NDRG1: variants seen among roughly 807,000 people sequenced by gnomAD.
NDRG1 encodes the protein N-myc downstream regulated 1.
A neutral mutation model predicts 56.9 loss-of-function variants in NDRG1; 32 were observed. The ratio of observed to expected loss-of-function variants is 0.56; its 90% CI spans 0.42 to 0.76. The LOEUF is 0.76. Among genes scored for constraint, NDRG1 ranks in the 30% least tolerant of loss-of-function variants. The pLI, the probability that NDRG1 is intolerant of heterozygous loss-of-function variation, is 0.00. For missense variants in NDRG1, 507 were observed against 545.7 expected (o/e 0.93, Z 0.71); for synonymous variants, 211 against 204.1 (o/e 1.03, Z -0.29).
chr8:133,243,203 G>C (rs541793066), intron 14 of NDRG1, among the ~76,000 whole-genome samples: 1 of 152,300 alleles, frequency 6.6e-6, no homozygotes, highest in East Asian at 1.9e-4. Flanking sequence ...ACATTTAAAA[G>C]AGCGGCTATG....
chr8:133,272,982 C>G (rs901521914), intron 3 of NDRG1, among the ~76,000 whole-genome samples: 1 of 152,178 alleles, frequency 6.6e-6, no homozygotes, highest in African/African-American at 2.4e-5. Context: ...AACAGCCCCC[C>G]CACCGAATGG....
In NDRG1 at chr8:133,273,668, A is replaced by AGT. The variant is rs1857308414; in HGVS notation, c.99+6563_99+6564insAC. On this transcript the variant is annotated intron_variant, in intron 3 of 15. Transcript: ENST00000323851. ...TGGATCTAAGTCTAGGACTATCTCT[A>AGT]CAGTACCCTTTGGCAAGTTCCCTAA... 5.3e-5 allele frequency among the ~76,000 whole-genome samples: 8 copies of AGT among 152,300 alleles called. No individual in the cohort carries two copies. The South Asian group carries it at 1.7e-3, about 32-fold the overall frequency.
At chr8:133,289,322 G>A (rs1290571843) in intron 1 of NDRG1, among the ~76,000 whole-genome samples, 2 of 152,138 alleles carry the variant, frequency 1.3e-5, no homozygotes, top group African/African-American at 4.8e-5. Context: ...GGAGAATTAA[G>A]CAAACAGTTG....
intron 3 of NDRG1, among the ~76,000 whole-genome samples, chr8:133,269,638 C>G (rs958427713): frequency 6.6e-6 from 1 of 152,252 alleles, no homozygotes. Flanking sequence ...ATTCGAATGT[C>G]TGCATCCAAA....
At chr8:133,266,811 G>A (rs774434861) in intron 3 of NDRG1, among the ~76,000 whole-genome samples, 26 of 152,188 alleles carry the variant, frequency 1.7e-4, no homozygotes, top group East Asian at 3.8e-4. Flanking sequence ...AAATGGCCCC[G>A]GGGGGCTGCA....
At chr8:133,266,391 C>T (rs906097564) in intron 3 of NDRG1, among the ~76,000 whole-genome samples, 6 of 152,346 alleles carry the variant, frequency 3.9e-5, no homozygotes, top group South Asian at 2.1e-4. Flanking sequence ...AGATCACTGC[C>T]GTGTGGCAGC....
intron 1 of NDRG1, among the ~76,000 whole-genome samples, chr8:133,289,250 A>G (rs1302770273): frequency 2.0e-5 from 3 of 151,920 alleles, no homozygotes; most frequent in African/African-American, 7.3e-5. Context: ...CTTGTCTGTC[A>G]ATGGGCATGC....
intron 2 of NDRG1, among the ~76,000 whole-genome samples, chr8:133,282,159 G>A (rs1857844559): frequency 6.6e-6 from 1 of 152,338 alleles, no homozygotes; most frequent in African/African-American, 2.4e-5. Context: ...ATGTTCTAAG[G>A]ATTCCAGTAG....
intron 6 of NDRG1, 31 bp from the exon 7 acceptor site, chr8:133,258,457 C>A: frequency 2.5e-6 from 4 of 1,596,528 alleles, no homozygotes; most frequent in Non-Finnish European, 3.4e-6. Flanking sequence ...GCATGTCACA[C>A]AAGGACAGAG....
At chr8:133,277,533 C>T (rs182182340) in intron 3 of NDRG1, among the ~76,000 whole-genome samples, 14 of 152,274 alleles carry the variant, frequency 9.2e-5, no homozygotes, top group Admixed American at 8.5e-4. Flanking sequence ...CACCACTACA[C>T]TCCAGCCTGG....
chr8:133,266,908 C>T (rs1856948689), intron 3 of NDRG1, among the ~76,000 whole-genome samples: 1 of 152,120 alleles, frequency 6.6e-6, no homozygotes, highest in Non-Finnish European at 1.5e-5. Flanking sequence ...CCTCCTGAAT[C>T]CCTTAAGACC....
chr8:133,249,233 G>GAGA, intron 10 of NDRG1: 1 of 247,680 alleles, frequency 4.0e-6, no homozygotes, highest in African/African-American at 2.2e-5. Flanking sequence ...TCCATTCCCT[G>GAGA]TCTCAAACCC....
rs949341629 is a variant in NDRG1, at chr8:133,237,424, G to C, written c.*1454C>G. 3 of 232,026 alleles carry C rather than the reference G, an allele frequency of 1.3e-5. No individual in the cohort carries two copies. The highest frequency in any genetic ancestry group is 1.1e-4 in the Admixed American group (2 of 17,710). The allele number at this position is 232,026 out of a possible 1,614,324, so 14.4% of individuals were successfully genotyped here. On this transcript the variant is annotated 3_prime_UTR_variant, in exon 16 of 16. Coordinates refer to ENST00000323851, the MANE Select transcript of NDRG1 (RefSeq NM_006096.4). The stretch of plus-strand genomic sequence containing the variant: ...CAACTGCGGGGTCCCAGAAATCCTC[G>C]GGTCCCAGTGGCTGACTTACAATAT...
At chr8:133,282,231 C>T (rs2130790316) in intron 2 of NDRG1, among the ~76,000 whole-genome samples, 1 of 152,258 alleles carries the variant, frequency 6.6e-6, no homozygotes, top group East Asian at 1.9e-4. Context: ...CCAGCGATGC[C>T]ACTTCTGAGA....
chr8:133,286,072 G>C (rs1858099016), intron 1 of NDRG1, among the ~76,000 whole-genome samples: 1 of 152,184 alleles, frequency 6.6e-6, no homozygotes, highest in African/African-American at 2.4e-5. Flanking sequence ...GGCTCTCACT[G>C]TCCCACCAGG....
intron 12 of NDRG1, among the ~76,000 whole-genome samples, 200 bp from the exon 13 acceptor site, chr8:133,246,863 T>C (rs890890382): frequency 1.3e-5 from 2 of 152,236 alleles, no homozygotes. Flanking sequence ...ACAACTTGGA[T>C]AAGTGATTTA....
chr8:133,296,685 CCAGACACAGACACA>C, intron 1 of NDRG1: 1 of 374,404 alleles, frequency 2.7e-6, no homozygotes, highest in South Asian at 1.9e-5. Flanking sequence ...CTCTCCGTTC[CCAGACACAGACACA>C]CACACACACA....
intron 15 of NDRG1, chr8:133,240,441 T>G (rs909597701): frequency 1.3e-5 from 2 of 152,202 alleles, no homozygotes; most frequent in Non-Finnish European, 1.5e-5. Context: ...TCAGAAAGAA[T>G]TGGGGTCAAT....
intron 3 of NDRG1, among the ~76,000 whole-genome samples, chr8:133,279,159 G>C (rs1295244015): frequency 1.3e-5 from 2 of 152,196 alleles, no homozygotes; most frequent in Non-Finnish European, 2.9e-5. Flanking sequence ...CAAAGTGCTA[G>C]GATTACAGGC....
Sources: gnomAD v4.1 joint callset for allele counts (sites outside exome capture counted in the v4.1 genomes callset) on GRCh38, gnomAD v4.1.1 for gene constraint, MANE v1.5 for transcripts, NCBI Gene and HGNC (gene_info 2026-07-23, HGNC 2026-07-21) for gene names.